Variants in TEX11 observed in about 807,000 individuals in gnomAD.
The protein encoded by TEX11 is testis expressed 11.
In TEX11, 7 loss-of-function variants were observed where a neutral mutation model predicts 84.4. The ratio of observed to expected loss-of-function variants is 0.08; its 90% CI spans 0.05 to 0.16. The LOEUF (loss-of-function observed/expected upper bound fraction) is 0.16. Among genes scored for constraint, TEX11 ranks in the 10% least tolerant of loss-of-function variants. The probability of loss-of-function intolerance (pLI) is 1.00; values close to 1 mark genes in which losing one functional copy is unlikely to be tolerated. For synonymous variants in TEX11, 264 were observed against 222.8 expected (o/e 1.18, Z -1.64); for missense variants, 551 against 660.5 (o/e 0.83, Z 1.82).
Position 70,835,612 on chromosome X carries a change from C to T in TEX11, c.526-2019G>A, listed in dbSNP as rs1302170160. ...TGTAGTGAAAAGAATATGAGCTTTG[C>T]ATTCCCAGTTTTTCCACTTCTTGGC... On this transcript the variant is annotated intron_variant, in intron 7 of 29. Coordinates refer to ENST00000374333, the MANE Select transcript of TEX11 (RefSeq NM_031276.3). Among the ~76,000 whole-genome samples, 3 of 112,121 alleles carry T rather than the reference C, an allele frequency of 2.7e-5. No homozygotes were observed. The Middle Eastern group carries it at 0.014, about 512-fold the overall frequency.
the TEX11 span, among the ~76,000 whole-genome samples, chrX:70,515,888 T>G: frequency 8.9e-6 from 1 of 112,811 alleles, no homozygotes. Context: ...TGAGCATTTT[T>G]TCATGTGTCT....
rs771047836 is a variant in TEX11, at chrX:70,739,152, T to G, written c.843+1549A>C. 7.2e-5 allele frequency among the ~76,000 whole-genome samples: 8 copies of G among 111,677 alleles called. No individual in the cohort carries two copies. In the South Asian group the frequency reaches 3.0e-3, roughly 42 times the overall value. ...AGAAAATATTCCTGTCTATAAATAT[T>G]TCTACATTAATTTTTTAATTTTAAT... On this transcript the variant is annotated intron_variant, in intron 11 of 29. Coordinates refer to ENST00000374333, the MANE Select transcript of TEX11 (RefSeq NM_031276.3).
Position 70,798,234 on chromosome X carries a change from CA to C in TEX11, c.692+8470del, listed in dbSNP as rs2091167679. Among the ~76,000 whole-genome samples the C allele has an allele frequency of 4.5e-5, 5 of 110,467 alleles. No homozygotes were observed. In the South Asian group the frequency reaches 1.9e-3, roughly 42 times the overall value. On this transcript the variant is annotated intron_variant, in intron 9 of 29. Coordinates refer to ENST00000374333, the MANE Select transcript of TEX11 (RefSeq NM_031276.3). ...TACCCAAAAATTAAGAAAACAATCCCATTTATAATAGTGTCAAAAAATAAAA... is the reference window on the plus strand; with the variant it reads ...TACCCAAAAATTAAGAAAACAATCCCTTTATAATAGTGTCAAAAAATAAAA...
intron 9 of TEX11, among the ~76,000 whole-genome samples, chrX:70,765,907 T>C (rs2090937406): frequency 1.8e-5 from 2 of 112,184 alleles, no homozygotes; most frequent in Admixed American, 9.5e-5. Context: ...CCAAAAACTA[T>C]TAAAACTGAT....
intron 17 of TEX11, among the ~76,000 whole-genome samples, chrX:70,645,305 A>G (rs967275236): frequency 9.0e-6 from 1 of 110,757 alleles, no homozygotes; most frequent in African/African-American, 3.3e-5. Context: ...AAAAAACACA[A>G]TAAAGGCCAT....
At chrX:70,524,858 C>A (rs1016993847), downstream of TEX11, among the ~76,000 whole-genome samples, 4 of 112,457 alleles carry the variant, frequency 3.6e-5, no homozygotes, top group Non-Finnish European at 7.5e-5. Flanking sequence ...AGCCACCACA[C>A]CCAGCCAATT....
At chrX:70,747,156 G>A (rs898856757) in intron 9 of TEX11, among the ~76,000 whole-genome samples, 1 of 111,754 alleles carries the variant, frequency 8.9e-6, no homozygotes, top group Non-Finnish European at 1.9e-5. Context: ...ATTAGTCCCC[G>A]ACTGAATTAG....
At chrX:70,615,716 A>G (rs1040586874) in intron 20 of TEX11, among the ~76,000 whole-genome samples, 1 of 111,964 alleles carries the variant, frequency 8.9e-6, no homozygotes, top group Non-Finnish European at 1.9e-5. Flanking sequence ...TAACCCAAAG[A>G]AGACTACCTC....
chrX:70,792,945 C>G (rs1476753266), intron 9 of TEX11, among the ~76,000 whole-genome samples: 1 of 111,505 alleles, frequency 9.0e-6, no homozygotes, highest in East Asian at 2.8e-4. Context: ...AAATCCTCAA[C>G]AAAATACTAG....
intron 20 of TEX11, among the ~76,000 whole-genome samples, chrX:70,611,417 T>C (rs1028697142): frequency 2.7e-5 from 3 of 111,883 alleles, no homozygotes; most frequent in Admixed American, 9.5e-5. Flanking sequence ...ACCTGAAGCG[T>C]AACTGACAAA....
chrX:70,715,538 A>G (rs1020161796), intron 13 of TEX11, among the ~76,000 whole-genome samples: 1 of 110,958 alleles, frequency 9.0e-6, no homozygotes, highest in African/African-American at 3.3e-5. Flanking sequence ...CATTTCATTC[A>G]TTTGATCTTC....
chrX:70,647,527 C>T (rs983373648), intron 17 of TEX11, among the ~76,000 whole-genome samples: 1 of 109,394 alleles, frequency 9.1e-6, no homozygotes, highest in African/African-American at 3.3e-5. Context: ...GCCTGGGCAA[C>T]ATAGTGAGAC....
At chrX:70,557,004 C>T (rs1168910819) in intron 25 of TEX11, among the ~76,000 whole-genome samples, 4 of 109,039 alleles carry the variant, frequency 3.7e-5, no homozygotes, top group African/African-American at 1.0e-4. Context: ...CACTATGTTG[C>T]CCAGGCTGGT....
chrX:70,594,375 C>A (rs1157083662), intron 24 of TEX11, among the ~76,000 whole-genome samples: 1 of 110,491 alleles, frequency 9.1e-6, no homozygotes, highest in Non-Finnish European at 1.9e-5. Flanking sequence ...TAATGCCAGG[C>A]AGTAATTTGA....
At chrX:70,698,645 T>C (rs1156427491) in intron 13 of TEX11, among the ~76,000 whole-genome samples, 1 of 110,808 alleles carries the variant, frequency 9.0e-6, no homozygotes, top group Admixed American at 9.7e-5. Flanking sequence ...CTGTTGTGCA[T>C]GCAAGGAGTA....
In TEX11 at chrX:70,529,949, A is replaced by G. The variant is rs1185628026; in HGVS notation, c.2571T>C (p.Asn857=). The G allele has an allele frequency of 1.7e-6, 2 of 1,211,451 alleles. No individual in the cohort carries two copies. Among genetic ancestry groups the G allele is most frequent in the Non-Finnish European group, 2.2e-6 (2 of 895,288 alleles). Residue 857 remains asparagine (N), a synonymous_variant, in exon 29 of 30, where the codon AAT becomes AAC. Transcript: ENST00000374333. The part of the protein sequence containing the change: ...EILWLMVKSW[N]TGVLMFSRSK... The stretch of plus-strand genomic sequence containing the variant: ...TCCTGCTAAACATAAGTACTCCGGT[A>G]TTCCAGGACTTGACCATCAGCCAGA...
chrX:70,713,883 T>C (rs1318475960), intron 13 of TEX11, among the ~76,000 whole-genome samples: 4 of 111,951 alleles, frequency 3.6e-5, no homozygotes, highest in Non-Finnish European at 7.5e-5. Flanking sequence ...ATTGTAATGT[T>C]AGGGTGTCAA....
At chrX:70,866,344 G>A (rs2091598940) in intron 4 of TEX11, among the ~76,000 whole-genome samples, 2 of 108,603 alleles carry the variant, frequency 1.8e-5, no homozygotes, top group Admixed American at 1.0e-4. Flanking sequence ...ACCAGAAGAT[G>A]TCGAATCCCT....
intron 9 of TEX11, among the ~76,000 whole-genome samples, chrX:70,782,155 G>A (rs1249505442): frequency 3.6e-5 from 4 of 111,934 alleles, no homozygotes; most frequent in Non-Finnish European, 7.5e-5. Context: ...GAGAATGGCG[G>A]CCAATATTCA....
Sources: allele counts gnomAD v4.1 joint callset (sites outside exome capture counted in the v4.1 genomes callset), GRCh38; gene constraint gnomAD v4.1.1; transcripts MANE v1.5; gene names NCBI Gene and HGNC (gene_info 2026-07-23, HGNC 2026-07-21).